Variants in TRIM44 observed in about 807,000 individuals in gnomAD.
TRIM44 encodes the protein tripartite motif containing 44.
In TRIM44, 13 loss-of-function variants were observed where a neutral mutation model predicts 37.4. The ratio of observed to expected loss-of-function variants is 0.35; its 90% CI spans 0.23 to 0.55. TRIM44 has a LOEUF of 0.55. Ranked by LOEUF, TRIM44 falls within the 20% of genes least tolerant of loss-of-function variation. The probability of loss-of-function intolerance (pLI) is 0.89; values close to 1 mark genes in which losing one functional copy is unlikely to be tolerated. For synonymous variants in TRIM44, 175 were observed against 157.2 expected (o/e 1.11, Z -0.85); for missense variants, 426 against 437.2 (o/e 0.97, Z 0.23).
chr11:35,764,498 C>T (rs1430195512), intron 4 of TRIM44, among the ~76,000 whole-genome samples: 1 of 152,186 alleles, frequency 6.6e-6, no homozygotes, highest in African/African-American at 2.4e-5. Context: ...TTAGTTGGGT[C>T]TCCATTAGCA....
intron 2 of TRIM44, among the ~76,000 whole-genome samples, chr11:35,695,635 T>C (rs972453759): frequency 4.6e-5 from 7 of 152,178 alleles, no homozygotes; most frequent in African/African-American, 1.7e-4. Context: ...TCTAGGATTT[T>C]GTGTGCTCAT....
chr11:35,743,313 T>G (rs1852438400), intron 4 of TRIM44, among the ~76,000 whole-genome samples: 1 of 152,210 alleles, frequency 6.6e-6, no homozygotes, highest in Non-Finnish European at 1.5e-5. Flanking sequence ...TACTGTTTTC[T>G]GTTACGCTTT....
Position 35,741,915 on chromosome 11 carries a change from T to C in TRIM44, c.1007+6470T>C, listed in dbSNP as rs116464815. ...TTGAAAGAGAGCTAAATAAACCATTTTAATTTTATCTATCTATCTATTTAT... is the reference window on the plus strand; with the variant it reads ...TTGAAAGAGAGCTAAATAAACCATTCTAATTTTATCTATCTATCTATTTAT... On this transcript the variant is annotated intron_variant, in intron 4 of 4. Coordinates refer to ENST00000299413, the MANE Select transcript of TRIM44 (RefSeq NM_017583.6). Among the ~76,000 whole-genome samples the C allele has an allele frequency of 1.7e-3, 258 of 152,272 alleles. 1 individual carries two copies. The highest frequency in any genetic ancestry group is 5.9e-3 in the African/African-American group (246 of 41,556).
chr11:35,666,147 G>A (rs924451526), intron 1 of TRIM44, among the ~76,000 whole-genome samples: 1 of 152,062 alleles, frequency 6.6e-6, no homozygotes, highest in African/African-American at 2.4e-5. Context: ...TGTATTTATT[G>A]AAAAGCCCTT....
intron 2 of TRIM44, among the ~76,000 whole-genome samples, chr11:35,720,387 T>A (rs1344455177): frequency 6.6e-6 from 1 of 151,980 alleles, no homozygotes; most frequent in East Asian, 1.9e-4. Flanking sequence ...TATCCTATAG[T>A]CTTGCTGTTG....
At chr11:35,717,790 G>A (rs1389104005) in intron 2 of TRIM44, among the ~76,000 whole-genome samples, 2 of 151,938 alleles carry the variant, frequency 1.3e-5, no homozygotes, top group East Asian at 3.9e-4. Context: ...CCAACCAGCT[G>A]TGTGATCTTG....
rs1408445801 is a variant in TRIM44, at chr11:35,809,384, C to T, written c.*2999C>T. On this transcript the variant is annotated 3_prime_UTR_variant, in exon 5 of 5. Transcript: ENST00000299413. The stretch of plus-strand genomic sequence containing the variant: ...AAGGATAAAAAGACTTCAGGTTTTC[C>T]CACTGTGTGCTGACCATCCCAATTT... 6.6e-6 allele frequency: 1 copy of T among 152,118 alleles called. No individual in the cohort carries two copies. The highest frequency in any genetic ancestry group is 1.9e-4 in the East Asian group (1 of 5,186). The allele number at this position is 152,118 out of a possible 1,614,324, so 9.4% of individuals were successfully genotyped here. A position where few individuals can be genotyped will look rare whatever the true frequency, so the allele number is the denominator to read the frequency against.
At chr11:35,672,570 A>G (rs1018528232) in intron 1 of TRIM44, among the ~76,000 whole-genome samples, 2 of 152,206 alleles carry the variant, frequency 1.3e-5, no homozygotes, top group Non-Finnish European at 2.9e-5. Flanking sequence ...TAAGATGGAT[A>G]TTTGGGGAGA....
chr11:35,789,762 A>T lies in TRIM44; in HGVS notation c.1008-16596A>T, dbSNP rs527962185. Reference sequence around the variant, plus strand: ...ATATTCCCCTGGTGCTCCTTAGGGTATTTACACTGTTCCTTCTGCCTGGGC... The same window carrying T: ...ATATTCCCCTGGTGCTCCTTAGGGTTTTTACACTGTTCCTTCTGCCTGGGC... On this transcript the variant is annotated intron_variant, in intron 4 of 4. Coordinates refer to ENST00000299413, the MANE Select transcript of TRIM44 (RefSeq NM_017583.6). Among the ~76,000 whole-genome samples, 58 of 152,244 alleles carry T rather than the reference A, an allele frequency of 3.8e-4. 1 individual carries two copies. The South Asian group carries it at 0.01, about 27-fold the overall frequency.
intron 4 of TRIM44, among the ~76,000 whole-genome samples, chr11:35,744,937 A>G (rs140984644): frequency 0.011 from 1,660 of 152,302 alleles, 34 homozygotes; most frequent in African/African-American, 0.038. Flanking sequence ...TCCATGGTGT[A>G]TATGTATCAC....
intron 2 of TRIM44, among the ~76,000 whole-genome samples, chr11:35,688,901 A>G (rs1397004169): frequency 1.3e-5 from 2 of 152,152 alleles, no homozygotes; most frequent in East Asian, 1.9e-4. Context: ...GTTTTCCTCT[A>G]TGTTTGCTAA....
chr11:35,728,443 T>G (rs903604241), intron 3 of TRIM44, among the ~76,000 whole-genome samples: 3 of 152,218 alleles, frequency 2.0e-5, no homozygotes, highest in African/African-American at 7.2e-5. Flanking sequence ...GCTTGTTAAC[T>G]CTGATGGAAT....
chr11:35,716,142 A>G (rs1336813599), intron 2 of TRIM44, among the ~76,000 whole-genome samples: 1 of 152,206 alleles, frequency 6.6e-6, no homozygotes, highest in Non-Finnish European at 1.5e-5. Context: ...ACCAAGGCAG[A>G]GGGAGTGAAG....
chr11:35,798,350 G>A (rs925624582), intron 4 of TRIM44, among the ~76,000 whole-genome samples: 3 of 152,100 alleles, frequency 2.0e-5, no homozygotes, highest in Admixed American at 6.5e-5. Flanking sequence ...TGCTGATCGC[G>A]GTTCCCAGCT....
At chr11:35,740,625 A>C (rs866697338) in intron 4 of TRIM44, among the ~76,000 whole-genome samples, 1 of 152,194 alleles carries the variant, frequency 6.6e-6, no homozygotes, top group African/African-American at 2.4e-5. Flanking sequence ...GTTCTGAAGG[A>C]GTAGGAGCTG....
intron 2 of TRIM44, among the ~76,000 whole-genome samples, chr11:35,700,697 A>G (rs1292339697): frequency 6.6e-6 from 1 of 152,196 alleles, no homozygotes; most frequent in Non-Finnish European, 1.5e-5. Flanking sequence ...ATCCTTTCTT[A>G]TATAAAATCT....
intron 2 of TRIM44, among the ~76,000 whole-genome samples, chr11:35,685,839 T>G (rs974553550): frequency 6.6e-6 from 1 of 152,176 alleles, no homozygotes; most frequent in Non-Finnish European, 1.5e-5. Flanking sequence ...AATTTTTGTA[T>G]TTTTAGTAGA....
rs986759684 is a variant in TRIM44, at chr11:35,814,565, A to G, written c.*8180A>G. 3.9e-5 allele frequency: 6 copies of G among 152,154 alleles called. No homozygotes were observed. Among genetic ancestry groups the G allele is most frequent in the African/African-American group, 9.7e-5 (4 of 41,440 alleles). The allele number at this position is 152,154 out of a possible 1,614,324, so 9.4% of individuals were successfully genotyped here. ...AACCCAGATGCATGTGACTAGAACT[A>G]TCTTTTCTCCCATGATGCACTGCTT... On this transcript the variant is annotated 3_prime_UTR_variant, in exon 5 of 5. Transcript: ENST00000299413.
chr11:35,674,694 CTGAATAAT>C (rs1851440035), intron 1 of TRIM44, among the ~76,000 whole-genome samples: 1 of 152,138 alleles, frequency 6.6e-6, no homozygotes, highest in Non-Finnish European at 1.5e-5. Context: ...TTTTATTCAT[CTGAATAAT>C]TTTGGAGCAC....
Sources: allele counts gnomAD v4.1 joint callset (sites outside exome capture counted in the v4.1 genomes callset), GRCh38; gene constraint gnomAD v4.1.1; transcripts MANE v1.5; gene names NCBI Gene and HGNC (gene_info 2026-07-23, HGNC 2026-07-21).